PPP2R2D: variants seen among roughly 807,000 people sequenced by gnomAD.
PPP2R2D encodes the protein serine/threonine-protein phosphatase 2A 55 kDa regulatory subunit B delta isoform.
PPP2R2D carries 9 observed loss-of-function variants against 31.1 expected under a neutral mutation model. The ratio of observed to expected loss-of-function variants is 0.29; its 90% CI spans 0.17 to 0.51. The LOEUF (loss-of-function observed/expected upper bound fraction) is 0.51, where lower values mean the gene tolerates loss of function less well. Among genes scored for constraint, PPP2R2D ranks in the 20% least tolerant of loss-of-function variants. The probability of loss-of-function intolerance (pLI) is 0.98; values close to 1 mark genes in which losing one functional copy is unlikely to be tolerated. For missense variants in PPP2R2D, 391 were observed against 465.6 expected (o/e 0.84, Z 1.48); for synonymous variants, 179 against 172.6 (o/e 1.04, Z -0.29).
intron 2 of PPP2R2D, among the ~76,000 whole-genome samples, chr10:131,917,365 G>T (rs1399613056): frequency 7.6e-6 from 1 of 132,152 alleles, no homozygotes; most frequent in Non-Finnish European, 1.6e-5. Flanking sequence ...GGGACCTCAC[G>T]CAGGTGGAAT....
rs532325304 is a variant in PPP2R2D at position 131,933,361 on chromosome 10, C to T, written c.101-1097C>T. ...CCATTTCTTCTTAGTAGGTTGTTTA[C>T]AATAGCCATTTAGTTGTTTTTTTAC... On this transcript the variant is annotated intron_variant, in intron 2 of 8. Coordinates refer to ENST00000455566, the MANE Select transcript of PPP2R2D (RefSeq NM_018461.5). Among the ~76,000 whole-genome samples the T allele has an allele frequency of 6.2e-4, 94 of 152,306 alleles. 1 individual carries two copies. Among genetic ancestry groups the T allele is most frequent in the Non-Finnish European group, 1.2e-3 (85 of 68,014 alleles).
chr10:131,952,569 T>TTAGC (rs1466110525), intron 8 of PPP2R2D, among the ~76,000 whole-genome samples: 1 of 80,364 alleles, frequency 1.2e-5, no homozygotes, highest in South Asian at 6.3e-4. Context: ...GGGGGTTCAC[T>TTAGC]AGTGACTTGC....
At chr10:131,930,519 C>T (rs1554895542) in intron 2 of PPP2R2D, among the ~76,000 whole-genome samples, 1 of 152,216 alleles carries the variant, frequency 6.6e-6, no homozygotes, top group East Asian at 1.9e-4. Flanking sequence ...TTACTGCTCC[C>T]TCAGATTTGA....
At chr10:131,929,598 C>T (rs2036174761) in intron 2 of PPP2R2D, among the ~76,000 whole-genome samples, 1 of 152,088 alleles carries the variant, frequency 6.6e-6, no homozygotes. Flanking sequence ...AGCAGGTGAC[C>T]CTCCCTCATG....
At chr10:131,938,078 G>T (rs1178848831) in intron 3 of PPP2R2D, among the ~76,000 whole-genome samples, 1 of 151,508 alleles carries the variant, frequency 6.6e-6, no homozygotes, top group African/African-American at 2.4e-5. Flanking sequence ...GTCAGACTCA[G>T]TGCAGCGACG....
intron 2 of PPP2R2D, among the ~76,000 whole-genome samples, chr10:131,908,540 G>C (rs1412758332): frequency 6.6e-6 from 1 of 152,196 alleles, no homozygotes; most frequent in Non-Finnish European, 1.5e-5. Context: ...TCAGCATATG[G>C]AATGTCATGA....
At chr10:131,917,602 C>A (rs2035837719) in intron 2 of PPP2R2D, among the ~76,000 whole-genome samples, 1 of 130,578 alleles carries the variant, frequency 7.7e-6, no homozygotes, top group South Asian at 2.8e-4. Context: ...GTAGGGACCT[C>A]ACGTGGGTGG....
At chr10:131,944,891 C>T (rs1554897729) in intron 6 of PPP2R2D, among the ~76,000 whole-genome samples, 1 of 152,132 alleles carries the variant, frequency 6.6e-6, no homozygotes, top group African/African-American at 2.4e-5. Flanking sequence ...GGAAGAGCAG[C>T]ATCTTTTGGA....
At position 131,940,598 on chromosome 10, in the gene PPP2R2D, A is replaced by G. The variant is rs1309824555; in HGVS notation, c.381A>G (p.Leu127=). ...TATTTTCAGATAAAACTATAAAATTATGGAAAATAAGTGAACGGGATAAAA... is the reference window on the plus strand; with the variant it reads ...TATTTTCAGATAAAACTATAAAATTGTGGAAAATAAGTGAACGGGATAAAA... ...LLSTNDKTIK[L]WKISERDKRA... Residue 127 remains leucine, a synonymous_variant, in exon 5 of 9, where the codon TTA becomes TTG. Transcript: ENST00000455566. 1.3e-6 allele frequency: 1 copy of G among 766,440 alleles called. No individual in the cohort carries two copies. The highest frequency in any genetic ancestry group is 2.4e-6 in the Non-Finnish European group (1 of 411,250). 47.5% of individuals were successfully genotyped at this position (766,440 alleles called of 1,614,324 possible). A position where few individuals can be genotyped will look rare whatever the true frequency, so the allele number is the denominator to read the frequency against.
chr10:131,910,067 C>T (rs956303847), intron 2 of PPP2R2D, among the ~76,000 whole-genome samples: 38 of 152,170 alleles, frequency 2.5e-4, no homozygotes, highest in African/African-American at 8.9e-4. Context: ...GTCACACTTC[C>T]ATGTGGGCAG....
chr10:131,909,526 G>T (rs2035649357), intron 2 of PPP2R2D, among the ~76,000 whole-genome samples: 1 of 152,214 alleles, frequency 6.6e-6, no homozygotes, highest in Admixed American at 6.5e-5. Flanking sequence ...TCCTGTCCCT[G>T]TTGCAACGAC....
At chr10:131,920,450 C>CAA (rs1264291041) in intron 2 of PPP2R2D, among the ~76,000 whole-genome samples, 1 of 151,954 alleles carries the variant, frequency 6.6e-6, no homozygotes, top group Non-Finnish European at 1.5e-5. Flanking sequence ...GTGGGGACCT[C>CAA]ACGTGGGTGG....
chr10:131,943,191 T>C (rs1027324195), intron 5 of PPP2R2D, among the ~76,000 whole-genome samples: 8 of 152,156 alleles, frequency 5.3e-5, no homozygotes, highest in African/African-American at 1.9e-4. Context: ...CCTCTGACCA[T>C]AGGCGGCCTG....
At chr10:131,951,071 G>A in intron 8 of PPP2R2D, among the ~76,000 whole-genome samples, 1 of 152,184 alleles carries the variant, frequency 6.6e-6, no homozygotes, top group East Asian at 1.9e-4. Context: ...CCATGAATGG[G>A]GTTTCGCAGA....
At chr10:131,922,895 G>C (rs2036021177) in intron 2 of PPP2R2D, among the ~76,000 whole-genome samples, 1 of 152,116 alleles carries the variant, frequency 6.6e-6, no homozygotes, top group African/African-American at 2.4e-5. Context: ...TTTAAAACTT[G>C]GAATAATTTA....
At chr10:131,922,998 C>A (rs1237095137) in intron 2 of PPP2R2D, among the ~76,000 whole-genome samples, 1 of 152,138 alleles carries the variant, frequency 6.6e-6, no homozygotes, top group Admixed American at 6.6e-5. Flanking sequence ...GTTTTACTTA[C>A]AACAGCTTTT....
At position 131,935,671 on chromosome 10, in the gene PPP2R2D, GAAT is replaced by G. The variant is rs2036326392; in HGVS notation, c.198+1122_198+1124del. 2.0e-5 allele frequency among the ~76,000 whole-genome samples: 3 copies of G among 152,148 alleles called. No individual in the cohort carries two copies. The South Asian group carries it at 6.2e-4, about 32-fold the overall frequency. ...TTGGGATGGTAAGAAATCCTTTTGT[GAAT>G]AATAAGTATATCGTTAATATTTCTT... On this transcript the variant is annotated intron_variant, in intron 3 of 8. Coordinates refer to ENST00000455566, the MANE Select transcript of PPP2R2D (RefSeq NM_018461.5).
chr10:131,913,184 A>ATTTTTTTTTT (rs36188479), intron 2 of PPP2R2D, among the ~76,000 whole-genome samples: 5 of 134,834 alleles, frequency 3.7e-5, no homozygotes, highest in Admixed American at 7.5e-5. Flanking sequence ...TGCCCGGCTA[A>ATTTTTTTTTT]TTTTTTTTTT....
downstream of PPP2R2D, among the ~76,000 whole-genome samples, chr10:131,961,831 G>GT (rs58049480): frequency 0.27 from 39,966 of 147,594 alleles, 5,359 homozygotes; most frequent in African/African-American, 0.31. Flanking sequence ...GTCCTCCAGG[G>GT]TTTTTTTTTT....
Sources: gnomAD v4.1 joint callset for allele counts (sites outside exome capture counted in the v4.1 genomes callset) on GRCh38, gnomAD v4.1.1 for gene constraint, MANE v1.5 for transcripts, NCBI Gene and HGNC (gene_info 2026-07-23, HGNC 2026-07-21) for gene names.